Variants in ANKDD1A observed in about 807,000 individuals in gnomAD.
The protein encoded by ANKDD1A is ankyrin repeat and death domain-containing protein 1A.
Under a neutral mutation model 63.5 loss-of-function variants are expected in ANKDD1A, and 59 were observed. That is an observed-to-expected ratio of 0.93 (90% confidence interval 0.75 to 1.15). ANKDD1A has a LOEUF of 1.15. Among genes scored for constraint, ANKDD1A ranks in the 50% most tolerant of loss-of-function variants. The pLI is 0.00. For missense variants in ANKDD1A, 632 were observed against 656.4 expected (o/e 0.96, Z 0.41); for synonymous variants, 266 against 263.9 (o/e 1.01, Z -0.08).
At chr15:64,954,758 T>A (rs1210732700) in intron 14 of ANKDD1A, among the ~76,000 whole-genome samples, 1 of 145,956 alleles carries the variant, frequency 6.9e-6, no homozygotes, top group East Asian at 2.0e-4. Context: ...TTCTTTCTTT[T>A]TGTTCTTCTT....
intron 13 of ANKDD1A, among the ~76,000 whole-genome samples, chr15:64,948,144 G>A (rs970137557): frequency 2.0e-5 from 3 of 151,896 alleles, no homozygotes; most frequent in Non-Finnish European, 2.9e-5. Context: ...GGCTAAATGG[G>A]CAAAAAATAT....
chr15:64,939,656 G>GTA (rs2085164738), intron 9 of ANKDD1A, among the ~76,000 whole-genome samples: 1 of 152,170 alleles, frequency 6.6e-6, no homozygotes, highest in Admixed American at 6.5e-5. Flanking sequence ...GCAGAACAGT[G>GTA]TAATATGCTT....
intron 1 of ANKDD1A, among the ~76,000 whole-genome samples, chr15:64,913,456 C>A (rs763737397): frequency 6.6e-6 from 1 of 152,232 alleles, no homozygotes; most frequent in Non-Finnish European, 1.5e-5. Context: ...AGACACTGTG[C>A]CAGGGGGTTT....
In ANKDD1A at chr15:64,943,552, T is replaced by C. The variant is rs1418470010; in HGVS notation, c.1035T>C (p.Ile345=). ...AGGACATAGCAGATATGCTCCTCAT[T>C]GCTGGGGTTGACTTAAACCTGAGAG... ...AWQDIADMLL[I]AGVDLNLRDK... The change falls in exon 11 of 15, where the codon ATT becomes ATC. Residue 345 remains isoleucine (I), a synonymous_variant. Coordinates refer to ENST00000319580, the MANE Select transcript of ANKDD1A (RefSeq NM_182703.6). 6 of 1,614,092 alleles carry C rather than the reference T, an allele frequency of 3.7e-6. No homozygotes were observed. Among genetic ancestry groups the C allele is most frequent in the Non-Finnish European group, 5.1e-6 (6 of 1,180,042 alleles).
intron 14 of ANKDD1A, among the ~76,000 whole-genome samples, chr15:64,953,907 TC>T (rs2085365427): frequency 7.0e-4 from 2 of 2,838 alleles, no homozygotes; most frequent in Non-Finnish European, 8.5e-3. Flanking sequence ...CTTTCTTCCC[TC>T]TTCTTTCTTC....
At chr15:64,952,689 CTTT>C (rs2085317384) in intron 14 of ANKDD1A, among the ~76,000 whole-genome samples, 1 of 139,440 alleles carries the variant, frequency 7.2e-6, no homozygotes, top group African/African-American at 2.7e-5. Context: ...TCTTCCTCTC[CTTT>C]TTCTTCTTAG....
chr15:64,911,957 C>T lies in ANKDD1A; in HGVS notation c.27C>T (p.Thr9=), dbSNP rs925710103. The part of the protein sequence containing the change: MQEELAWE[T]DGLLPLERQL... ...TGCAGGAGGAGCTGGCGTGGGAGAC[C>T]GACGGCCGTGAGTCTGCCTGGAGGA... Residue 9 remains threonine (T), a synonymous_variant, in exon 1 of 15, where the codon ACC becomes ACT. Transcript: ENST00000319580. 1.6e-6 allele frequency: 2 copies of T among 1,244,154 alleles called. No individual in the cohort carries two copies. The highest frequency in any genetic ancestry group is 1.0e-6 in the Non-Finnish European group (1 of 987,842). The allele number at this position is 1,244,154 out of a possible 1,614,324, so 77.1% of individuals were successfully genotyped here.
chr15:64,930,947 A>G, intron 7 of ANKDD1A, 27 bp downstream of exon 7: 1 of 1,602,314 alleles, frequency 6.2e-7, no homozygotes, highest in Non-Finnish European at 8.5e-7. Context: ...GGATGGCGAG[A>G]TGCATGACCC....
chr15:64,942,648 G>A, intron 10 of ANKDD1A, 83 bp downstream of exon 10: 2 of 1,023,258 alleles, frequency 2.0e-6, no homozygotes, highest in Non-Finnish European at 2.8e-6. Flanking sequence ...TGGTCTCCTA[G>A]CATGGCCCAG....
chr15:64,939,699 G>T (rs192577346), intron 9 of ANKDD1A, among the ~76,000 whole-genome samples: 2 of 152,154 alleles, frequency 1.3e-5, no homozygotes. Context: ...ATGAAAATAC[G>T]CCCAGCTGAT....
chr15:64,942,756 T>G (rs2085194854), intron 10 of ANKDD1A, among the ~76,000 whole-genome samples, 191 bp downstream of exon 10: 1 of 150,944 alleles, frequency 6.6e-6, no homozygotes, highest in African/African-American at 2.5e-5. Flanking sequence ...TTCCCCTCTT[T>G]TGACATTTGG....
chr15:64,951,381 T>TCTTCTTCC, intron 14 of ANKDD1A: 2 of 391,758 alleles, frequency 5.1e-6, no homozygotes, highest in African/African-American at 4.6e-5. Context: ...TTCTTTCTTT[T>TCTTCTTCC]TCTTTTCTTC....
chr15:64,942,534 A>G lies in ANKDD1A; in HGVS notation c.935A>G (p.Asn312Ser). The G allele has an allele frequency of 6.2e-7, 1 of 1,613,552 alleles. No homozygotes were observed. ...NFPALVRLLI[N>S]SDSDVNAVDN... is the part of the protein sequence containing the mutation. ...CCTGCCTTGGTCCGGCTCCTCATCA[A>G]CTCCGACAGTGACGTGAATGCCGTG... The change falls in exon 10 of 15, where the codon AAC (asparagine) becomes AGC (serine). Residue 312 changes from asparagine (N) to serine (S), a missense_variant. Transcript: ENST00000319580.
chr15:64,941,376 C>G (rs78487444), intron 9 of ANKDD1A, among the ~76,000 whole-genome samples: 1 of 152,106 alleles, frequency 6.6e-6, no homozygotes, highest in Non-Finnish European at 1.5e-5. Flanking sequence ...GCTCATTGTT[C>G]TGGAGGCTGG....
At position 64,952,514 on chromosome 15, in the gene ANKDD1A, T is replaced by C. The variant is rs1470773198; in HGVS notation, c.1483+2542T>C. On this transcript the variant is annotated intron_variant, in intron 14 of 14. Transcript: ENST00000319580. ...GTCACCGTCTTCTCCTTCTTCTTAC[T>C]TTCTTCTTCCTTCGTCTTCTTCTCC... Among the ~76,000 whole-genome samples, 8 of 5,924 alleles carry C rather than the reference T, an allele frequency of 1.4e-3. No individual in the cohort carries two copies. In the South Asian group the frequency reaches 0.043, roughly 32 times the overall value. 3.9% of individuals were successfully genotyped at this position (5,924 alleles called of 152,430 possible).
At chr15:64,930,134 T>G (rs916860755) in intron 6 of ANKDD1A, among the ~76,000 whole-genome samples, 3 of 152,018 alleles carry the variant, frequency 2.0e-5, no homozygotes, top group Admixed American at 2.0e-4. Context: ...GGCAAATAGC[T>G]AATGCATGCA....
rs1277861527 is a variant in ANKDD1A, at chr15:64,945,607, C to CTTATATATATAT, written c.1161+860_1161+861insTTATATATATAT. On this transcript the variant is annotated intron_variant, in intron 12 of 14. Coordinates refer to ENST00000319580, the MANE Select transcript of ANKDD1A (RefSeq NM_182703.6). ...TTAGAGGGATTAAATGCATTTTCAA[C>CTTATATATATAT]ATATATATATATATATATATATATG... 8.2e-3 allele frequency among the ~76,000 whole-genome samples: 603 copies of CTTATATATATAT among 73,842 alleles called. 44 individuals are homozygous for CTTATATATATAT. Among genetic ancestry groups the CTTATATATATAT allele is most frequent in the African/African-American group, 0.03 (485 of 16,194 alleles). The allele number at this position is 73,842 out of a possible 152,430, so 48.4% of individuals were successfully genotyped here. A position where few individuals can be genotyped will look rare whatever the true frequency, so the allele number is the denominator to read the frequency against.
chr15:64,928,000 G>T (rs1238535667), intron 6 of ANKDD1A, among the ~76,000 whole-genome samples: 1 of 152,180 alleles, frequency 6.6e-6, no homozygotes, highest in Non-Finnish European at 1.5e-5. Flanking sequence ...AGGGAGTTCT[G>T]TGTAAAATGA....
chr15:64,915,586 G>T (rs977499368), intron 1 of ANKDD1A, among the ~76,000 whole-genome samples: 1 of 152,202 alleles, frequency 6.6e-6, no homozygotes, highest in Non-Finnish European at 1.5e-5. Context: ...TCCTGGTTGC[G>T]TGGCTGTGGG....
Sources: allele counts gnomAD v4.1 joint callset (sites outside exome capture counted in the v4.1 genomes callset), GRCh38; gene constraint gnomAD v4.1.1; transcripts MANE v1.5; gene names NCBI Gene and HGNC (gene_info 2026-07-23, HGNC 2026-07-21).